BICDL1: variants seen among roughly 807,000 people sequenced by gnomAD.
BICDL1 encodes BICD family-like cargo adapter 1.
BICDL1 carries 20 observed loss-of-function variants against 76.8 expected under a neutral mutation model. The observed-to-expected ratio is 0.26, with a 90% CI of 0.18 to 0.38. BICDL1 has a LOEUF of 0.38. Ranked by LOEUF, BICDL1 falls within the 10% of genes least tolerant of loss-of-function variation. BICDL1 has a pLI of 1.00. For missense variants in BICDL1, 700 were observed against 798.6 expected (o/e 0.88, Z 1.49); for synonymous variants, 383 against 337.1 (o/e 1.14, Z -1.49).
chr12:120,066,518 A>C (rs539331209), intron 4 of BICDL1, among the ~76,000 whole-genome samples: 3 of 152,186 alleles, frequency 2.0e-5, no homozygotes, highest in Non-Finnish European at 4.4e-5. Flanking sequence ...TGTGGGCTGT[A>C]CATTCTTTAG....
intron 2 of BICDL1, among the ~76,000 whole-genome samples, chr12:120,003,461 C>G (rs762207968): frequency 3.3e-5 from 5 of 152,228 alleles, no homozygotes; most frequent in African/African-American, 7.2e-5. Flanking sequence ...CAAGAATACA[C>G]TACCCCTCCA....
In BICDL1 at chr12:119,989,800, G is replaced by C. The variant is rs1395673708; in HGVS notation, c.-69G>C. ...GCGGGACGCGGGGCGGCGCGGCAGG[G>C]CCCCTCCCCCCTGCAGCCTGGCGCG... On this transcript the variant is annotated 5_prime_UTR_variant, in exon 1 of 10. Coordinates refer to ENST00000548673, the MANE Select transcript of BICDL1 (RefSeq NM_001367886.1). 5.5e-6 allele frequency: 4 copies of C among 732,242 alleles called. No individual in the cohort carries two copies. The highest frequency in any genetic ancestry group is 6.7e-6 in the Non-Finnish European group (4 of 593,080). The allele number at this position is 732,242 out of a possible 1,614,324, so 45.4% of individuals were successfully genotyped here. A position where few individuals can be genotyped will look rare whatever the true frequency, so the allele number is the denominator to read the frequency against.
At chr12:120,042,039 A>G (rs73410815) in intron 2 of BICDL1, among the ~76,000 whole-genome samples, 2,669 of 152,134 alleles carry the variant, frequency 0.018, 75 homozygotes, top group African/African-American at 0.061. Flanking sequence ...GGGCAAGGGT[A>G]GGAGCAGGGA....
At chr12:120,026,264 C>T (rs1952299535) in intron 2 of BICDL1, among the ~76,000 whole-genome samples, 1 of 152,004 alleles carries the variant, frequency 6.6e-6, no homozygotes, top group Non-Finnish European at 1.5e-5. Flanking sequence ...GAAGATTATC[C>T]TAATGTCTGT....
At chr12:120,050,254 CT>C (rs59718449) in intron 2 of BICDL1, among the ~76,000 whole-genome samples, 3,735 of 144,214 alleles carry the variant, frequency 0.026, 82 homozygotes, top group Admixed American at 0.08. Context: ...GATCTATTCT[CT>C]TTTTTTTTTT....
chr12:120,013,328 ATT>A (rs1951992588), intron 2 of BICDL1, among the ~76,000 whole-genome samples: 1 of 150,860 alleles, frequency 6.6e-6, no homozygotes, highest in Admixed American at 6.6e-5. Flanking sequence ...AAAAAAAAAA[ATT>A]ATAAAGCCTG....
At chr12:119,997,832 G>T (rs986940201) in intron 1 of BICDL1, among the ~76,000 whole-genome samples, 3 of 152,078 alleles carry the variant, frequency 2.0e-5, no homozygotes, top group African/African-American at 7.2e-5. Context: ...AAGTAAGGAG[G>T]GGGTGGGGCA....
intron 2 of BICDL1, among the ~76,000 whole-genome samples, chr12:120,002,184 A>G (rs1951772483): frequency 6.6e-6 from 1 of 152,196 alleles, no homozygotes; most frequent in Middle Eastern, 3.2e-3. Flanking sequence ...TAACCTTATA[A>G]GGACGCCAAC....
Position 120,090,080 on chromosome 12 carries a change from G to A in BICDL1, c.1704+9G>A, listed in dbSNP as rs1439114583. On this transcript the variant is annotated intron_variant, in intron 9 of 9. Transcript: ENST00000548673. Reference sequence around the variant, plus strand: ...AGCTGGAAGCTTGGCAGGTAAACTGGAGCCTGAGATCCAGGGCGAGAGGAG... The same window carrying A: ...AGCTGGAAGCTTGGCAGGTAAACTGAAGCCTGAGATCCAGGGCGAGAGGAG... 6.2e-7 allele frequency: 1 copy of A among 1,613,496 alleles called. No individual in the cohort carries two copies. The highest frequency in any genetic ancestry group is 8.5e-7 in the Non-Finnish European group (1 of 1,179,892).
chr12:120,055,292 T>C (rs1952950773), intron 2 of BICDL1, among the ~76,000 whole-genome samples: 1 of 152,234 alleles, frequency 6.6e-6, no homozygotes, highest in Non-Finnish European at 1.5e-5. Context: ...AATAATGCAA[T>C]TTCCTTCCCT....
At chr12:119,992,090 C>A (rs930695337) in intron 1 of BICDL1, among the ~76,000 whole-genome samples, 2 of 152,028 alleles carry the variant, frequency 1.3e-5, no homozygotes, top group Non-Finnish European at 2.9e-5. Flanking sequence ...TACTTACAGG[C>A]CAAATATTGA....
chr12:120,070,083 AT>A (rs1351032089), intron 4 of BICDL1, among the ~76,000 whole-genome samples: 5 of 152,128 alleles, frequency 3.3e-5, no homozygotes, highest in Non-Finnish European at 7.3e-5. Flanking sequence ...ATTTGTGGTT[AT>A]TTGAACATCC....
chr12:120,090,704 A>C (rs1008354541), intron 9 of BICDL1: 3 of 372,384 alleles, frequency 8.1e-6, no homozygotes, highest in African/African-American at 6.4e-5. Context: ...ATCCAGACAG[A>C]TGAAAAGCCG....
chr12:120,015,054 C>T (rs2138683226), intron 2 of BICDL1, among the ~76,000 whole-genome samples: 1 of 152,158 alleles, frequency 6.6e-6, no homozygotes, highest in South Asian at 2.1e-4. Flanking sequence ...AAGCTGAAAC[C>T]CTCAAGAGAG....
intron 3 of BICDL1, 108 bp downstream of exon 3, chr12:120,061,934 T>C: frequency 8.6e-6 from 6 of 701,230 alleles, no homozygotes; most frequent in South Asian, 3.4e-5. Flanking sequence ...AAGACATTTC[T>C]GTGCGAAACT....
At chr12:120,043,951 G>A (rs976452123) in intron 2 of BICDL1, among the ~76,000 whole-genome samples, 5 of 152,256 alleles carry the variant, frequency 3.3e-5, no homozygotes, top group African/African-American at 1.2e-4. Flanking sequence ...TCTAATAAGA[G>A]TATTGCAGCA....
At chr12:120,042,469 T>C (rs919061565) in intron 2 of BICDL1, among the ~76,000 whole-genome samples, 24 of 151,968 alleles carry the variant, frequency 1.6e-4, no homozygotes, top group African/African-American at 5.6e-4. Flanking sequence ...TGACGCACAT[T>C]AGTGTTCCAA....
rs1873838978 is a variant in BICDL1, at chr12:120,079,919, C to T, written c.1453-968C>T. ...GGTCACAGGCCCACGCCCAGACTGC[C>T]TGGGAAAGGAAATGTCTATTCCCTG... On this transcript the variant is annotated intron_variant, in intron 7 of 9. Coordinates refer to ENST00000548673, the MANE Select transcript of BICDL1 (RefSeq NM_001367886.1). This position sits in a 1 kb window ranked among gnomAD's most constrained non-coding sequence, Gnocchi z 4.3. 6.6e-6 allele frequency among the ~76,000 whole-genome samples: 1 copy of T among 152,248 alleles called. No homozygotes were observed.
chr12:119,995,182 C>A (rs893404867), intron 1 of BICDL1, among the ~76,000 whole-genome samples: 1 of 152,194 alleles, frequency 6.6e-6, no homozygotes, highest in African/African-American at 2.4e-5. Flanking sequence ...TTCACACTTC[C>A]TGACAGTCTC....
Sources: allele counts gnomAD v4.1 joint callset (sites outside exome capture counted in the v4.1 genomes callset), GRCh38; gene constraint gnomAD v4.1.1; non-coding constraint Gnocchi (gnomAD v3.1); transcripts MANE v1.5; gene names NCBI Gene and HGNC (gene_info 2026-07-23, HGNC 2026-07-21).